Variants in POLA1 observed in about 807,000 individuals in gnomAD.
The protein encoded by POLA1 is DNA polymerase alpha catalytic subunit.
Under a neutral mutation model 124.0 loss-of-function variants are expected in POLA1, and 15 were observed. The ratio of observed to expected loss-of-function variants is 0.12; its 90% CI spans 0.08 to 0.19. The LOEUF is 0.19. POLA1 is among the 10% of genes least tolerant of loss of function. The pLI is 1.00. For synonymous variants in POLA1, 408 were observed against 389.4 expected, an observed-to-expected ratio of 1.05 and a Z score of -0.56; for missense variants, 886 against 1,103.4, an observed-to-expected ratio of 0.80 and a Z score of 2.79.
chrX:24,897,350 C>A (rs1183718183), intron 35 of POLA1, among the ~76,000 whole-genome samples: 1 of 72,164 alleles, frequency 1.4e-5, no homozygotes, highest in African/African-American at 5.7e-5. Context: ...TTCCTCTTCT[C>A]TTCACTGCCC....
chrX:24,919,808 G>GT (rs1195362180), intron 35 of POLA1, among the ~76,000 whole-genome samples: 409 of 20,207 alleles, frequency 0.02, 2 homozygotes, highest in African/African-American at 0.048. Flanking sequence ...TTTTTTTTTT[G>GT]TTTTTTTTTT....
intron 36 of POLA1, among the ~76,000 whole-genome samples, chrX:24,937,970 G>T (rs2047872135): frequency 8.9e-6 from 1 of 112,548 alleles, no homozygotes; most frequent in Admixed American, 9.4e-5. Context: ...AGCTAAAAAT[G>T]CAGTGGTCTG....
intron 26 of POLA1, among the ~76,000 whole-genome samples, chrX:24,807,207 A>G (rs2045816065): frequency 8.9e-6 from 1 of 112,174 alleles, no homozygotes; most frequent in Non-Finnish European, 1.9e-5. Flanking sequence ...GTTGTGAAAC[A>G]AGAGTAGAAG....
chrX:24,733,274 G>A (rs1467442966), intron 16 of POLA1, among the ~76,000 whole-genome samples: 1 of 112,300 alleles, frequency 8.9e-6, no homozygotes, highest in Non-Finnish European at 1.9e-5. Context: ...AAAATATGTA[G>A]AAGAGAGCAA....
At chrX:24,994,763 G>A (rs751967484) in intron 36 of POLA1, among the ~76,000 whole-genome samples, 23 of 106,687 alleles carry the variant, frequency 2.2e-4, no homozygotes, top group African/African-American at 7.9e-4. Flanking sequence ...GATTGGGGGT[G>A]GGGGGGGCGC....
chrX:24,711,603 A>AT (rs941054968), intron 4 of POLA1, among the ~76,000 whole-genome samples: 93 of 105,881 alleles, frequency 8.8e-4, no homozygotes, highest in Admixed American at 1.0e-3. Context: ...CTACGCATAA[A>AT]TTTTTTTTTT....
At chrX:24,719,972 A>G (rs1006317086) in intron 10 of POLA1, among the ~76,000 whole-genome samples, 2 of 110,451 alleles carry the variant, frequency 1.8e-5, no homozygotes, top group African/African-American at 6.6e-5. Context: ...TCAGAAGGGC[A>G]ATTCTGACCA....
At chrX:24,947,703 G>A (rs1456963782) in intron 36 of POLA1, among the ~76,000 whole-genome samples, 2 of 112,158 alleles carry the variant, frequency 1.8e-5, no homozygotes, top group African/African-American at 6.5e-5. Flanking sequence ...GTGGGAAGGT[G>A]AAGAACCGCT....
At position 24,772,197 on chromosome X, in the gene POLA1, A is replaced by G. The variant is rs560117375; in HGVS notation, c.2964+23205A>G. 5.4e-5 allele frequency among the ~76,000 whole-genome samples: 6 copies of G among 111,540 alleles called. No individual in the cohort carries two copies. The South Asian group carries it at 2.3e-3, about 42-fold the overall frequency. On this transcript the variant is annotated intron_variant, in intron 26 of 36. Coordinates refer to ENST00000379068, the MANE Select transcript of POLA1 (RefSeq NM_001330360.2). ...TTCGTATTGTTTTCAGTGTTTTACAATTATAAATAAATAGTGCTGCAATAA... is the reference window on the plus strand; with the variant it reads ...TTCGTATTGTTTTCAGTGTTTTACAGTTATAAATAAATAGTGCTGCAATAA...
chrX:24,810,187 TTA>T (rs11573411), intron 27 of POLA1, among the ~76,000 whole-genome samples: 1 of 111,639 alleles, frequency 9.0e-6, no homozygotes, highest in Non-Finnish European at 1.9e-5. Flanking sequence ...TTCCAGGCCT[TTA>T]TACTGTATGT....
intron 15 of POLA1, among the ~76,000 whole-genome samples, chrX:24,730,012 G>A (rs1302369034): frequency 9.1e-6 from 1 of 110,231 alleles, no homozygotes; most frequent in Non-Finnish European, 1.9e-5. Flanking sequence ...GCCCAGGCTG[G>A]TCTTGAACCC....
At chrX:24,741,124 TGTGTGTGTGTGTGTGTGTGTGTGCGCGC>T (rs1931615159) in intron 20 of POLA1, among the ~76,000 whole-genome samples, 2 of 76,836 alleles carry the variant, frequency 2.6e-5, no homozygotes, top group East Asian at 5.2e-4. Flanking sequence ...TTTGTGTGTG[TGTGTGTGTGTGTGTGTGTGTGTGCGCGC>T]GTGTGTGTGT....
intron 34 of POLA1, among the ~76,000 whole-genome samples, chrX:24,868,248 G>T: frequency 8.9e-6 from 1 of 111,979 alleles, no homozygotes; most frequent in Non-Finnish European, 1.9e-5. Context: ...GCTTTTCTTC[G>T]TGAGCAAACG....
rs748285167 is a variant in POLA1, at chrX:24,827,386, G to A, written c.3736+785G>A. On this transcript the variant is annotated intron_variant, in intron 32 of 36. Transcript: ENST00000379068. Reference sequence around the variant, plus strand: ...CAAAGATGAGTGTTTTCAGAGTACTGCCTAATGTCCTGAGATGGCTCCTCA... The same window carrying A: ...CAAAGATGAGTGTTTTCAGAGTACTACCTAATGTCCTGAGATGGCTCCTCA... 3.2e-4 allele frequency among the ~76,000 whole-genome samples: 36 copies of A among 112,291 alleles called. 1 individual carries two copies. The highest frequency in any genetic ancestry group is 1.1e-3 in the African/African-American group (35 of 30,938).
chrX:24,944,003 A>G (rs2047935244), intron 36 of POLA1, among the ~76,000 whole-genome samples: 1 of 112,308 alleles, frequency 8.9e-6, no homozygotes, highest in African/African-American at 3.2e-5. Context: ...CTGGTAGACC[A>G]CAGGGAATTT....
intron 36 of POLA1, among the ~76,000 whole-genome samples, chrX:24,952,668 T>C (rs778121626): frequency 6.2e-5 from 7 of 112,604 alleles, no homozygotes; most frequent in Non-Finnish European, 1.1e-4. Flanking sequence ...TATATTTGCC[T>C]TTGTTTAACT....
At chrX:24,829,966 T>TCA (rs2046238176) in intron 32 of POLA1, among the ~76,000 whole-genome samples, 1 of 112,444 alleles carries the variant, frequency 8.9e-6, no homozygotes, top group Non-Finnish European at 1.9e-5. Context: ...AACTGCCTAA[T>TCA]CACAGACATA....
chrX:24,742,599 A>G (rs999918724), intron 22 of POLA1, among the ~76,000 whole-genome samples: 2 of 112,489 alleles, frequency 1.8e-5, no homozygotes, highest in Admixed American at 9.4e-5. Flanking sequence ...TAGCACTGAT[A>G]TTAATTAATT....
intron 26 of POLA1, among the ~76,000 whole-genome samples, chrX:24,799,920 T>C (rs769806174): frequency 1.8e-5 from 2 of 112,105 alleles, no homozygotes; most frequent in Non-Finnish European, 3.8e-5. Context: ...TCTAAGTGAT[T>C]ACTGAAGTAA....
Sources: allele counts gnomAD v4.1 joint callset (sites outside exome capture counted in the v4.1 genomes callset), GRCh38; gene constraint gnomAD v4.1.1; transcripts MANE v1.5; gene names NCBI Gene and HGNC (gene_info 2026-07-23, HGNC 2026-07-21).